The following TTC28 variants were observed in gnomAD, a reference collection of about 807,000 sequenced individuals.
TTC28 encodes the protein tetratricopeptide repeat domain 28, also known as tetratricopeptide repeat protein 28.
A neutral mutation model predicts 198.0 loss-of-function variants in TTC28; 61 were observed. The observed-to-expected ratio is 0.31, with a 90% CI of 0.25 to 0.38. The LOEUF (loss-of-function observed/expected upper bound fraction) is 0.38. Among genes scored for constraint, TTC28 ranks in the 10% least tolerant of loss-of-function variants. TTC28 has a pLI of 1.00. For missense variants in TTC28, 2,678 were observed against 3,164.0 expected (o/e 0.85, Z 3.69); for synonymous variants, 1,171 against 1,297.8 (o/e 0.90, Z 2.10).
chr22:28,364,784 T>C (rs2046218608), intron 2 of TTC28, among the ~76,000 whole-genome samples: 1 of 152,228 alleles, frequency 6.6e-6, no homozygotes, highest in South Asian at 2.1e-4. Flanking sequence ...AATCTCATGA[T>C]AAAGCTTGAA....
chr22:28,188,490 AAACTTATATAAAAAGC>A (rs1298305881), intron 5 of TTC28, among the ~76,000 whole-genome samples: 4 of 152,198 alleles, frequency 2.6e-5, no homozygotes, highest in South Asian at 2.1e-4. Flanking sequence ...GATAGAATAT[AAACTTATATAAAAAGC>A]AACTTATATA....
At chr22:28,102,099 G>C (rs1156374450) in intron 8 of TTC28, among the ~76,000 whole-genome samples, 1 of 152,138 alleles carries the variant, frequency 6.6e-6, no homozygotes, top group Non-Finnish European at 1.5e-5. Context: ...TCTTTGGCTG[G>C]CAAAGCTCTT....
At chr22:28,200,338 CAT>C (rs1007414681) in intron 5 of TTC28, among the ~76,000 whole-genome samples, 1 of 152,114 alleles carries the variant, frequency 6.6e-6, no homozygotes. Context: ...AATAAAATGA[CAT>C]GTCATTTTTG....
intron 2 of TTC28, among the ~76,000 whole-genome samples, chr22:28,478,973 A>G (rs899880102): frequency 3.9e-5 from 6 of 152,170 alleles, no homozygotes; most frequent in African/African-American, 1.4e-4. Flanking sequence ...TCACCACCAC[A>G]ATAATGCCAA....
Position 28,163,168 on chromosome 22 carries a change from T to C in TTC28, c.1365A>G (p.Gln455=), listed in dbSNP as rs1921439097. 1 of 1,551,566 alleles carries C rather than the reference T, an allele frequency of 6.4e-7. No individual in the cohort carries two copies. Among genetic ancestry groups the C allele is most frequent in the African/African-American group, 1.4e-5 (1 of 73,000 alleles). The change falls in exon 6 of 23, where the codon CAA becomes CAG. Residue 455 remains glutamine (Q), a synonymous_variant. Coordinates refer to ENST00000397906, the MANE Select transcript of TTC28 (RefSeq NM_001145418.2). ...CAATGCCCAGCTGCTGCTCATGGTA[T>C]TGTTTAGCTCTCTCCAAATCCTGCA... ...RCMQDLERAK[Q]YHEQQLGIAE...
At chr22:28,453,731 G>C (rs2047818103) in intron 2 of TTC28, among the ~76,000 whole-genome samples, 2 of 152,126 alleles carry the variant, frequency 1.3e-5, no homozygotes, top group African/African-American at 4.8e-5. Context: ...TTTAGCAACA[G>C]ATGCCATCAA....
intron 10 of TTC28, among the ~76,000 whole-genome samples, chr22:28,098,250 G>A (rs1222979042): frequency 6.6e-6 from 1 of 152,216 alleles, no homozygotes; most frequent in African/African-American, 2.4e-5. Context: ...CTTGAAAGAT[G>A]TGTGGATGAG....
chr22:28,207,242 C>A lies in TTC28; in HGVS notation c.934-43643G>T, dbSNP rs367568783. On this transcript the variant is annotated intron_variant, in intron 5 of 22. Coordinates refer to ENST00000397906, the MANE Select transcript of TTC28 (RefSeq NM_001145418.2). ...GCAGATGGAAAAAAAAAAAAAAGCA[C>A]AAAAAAAAACAGGCCTTCAATAAAT... Among the ~76,000 whole-genome samples the A allele has an allele frequency of 5.2e-4, 73 of 141,170 alleles. 1 individual carries two copies. Among genetic ancestry groups the A allele is most frequent in the Admixed American group, 2.9e-3 (42 of 14,240 alleles). The allele number at this position is 141,170 out of a possible 152,430, so 92.6% of individuals were successfully genotyped here.
At chr22:28,371,281 G>T (rs1359508334) in intron 2 of TTC28, among the ~76,000 whole-genome samples, 1 of 151,390 alleles carries the variant, frequency 6.6e-6, no homozygotes, top group Non-Finnish European at 1.5e-5. Context: ...ACTTTGGGAG[G>T]CTGAGGCAGG....
Position 28,304,364 on chromosome 22 carries a change from A to G in TTC28, c.529+2132T>C, listed in dbSNP as rs193045695. Among the ~76,000 whole-genome samples the G allele has an allele frequency of 1.5e-3, 226 of 152,298 alleles. 4 individuals are homozygous for G. Among genetic ancestry groups the G allele is most frequent in the South Asian group, 9.6e-3 (46 of 4,812 alleles). Reference sequence around the variant, plus strand: ...TATGACAAAAAGAGAGGTCATTAAGATGTGGGATGATGCACAGAACAATAC... The same window carrying G: ...TATGACAAAAAGAGAGGTCATTAAGGTGTGGGATGATGCACAGAACAATAC... On this transcript the variant is annotated intron_variant, in intron 3 of 22. Transcript: ENST00000397906.
At chr22:28,142,084 G>A (rs1001662193) in intron 6 of TTC28, among the ~76,000 whole-genome samples, 1 of 152,224 alleles carries the variant, frequency 6.6e-6, no homozygotes, top group Non-Finnish European at 1.5e-5. Flanking sequence ...CTGGGTTTAT[G>A]TGAGACTTAA....
intron 2 of TTC28, among the ~76,000 whole-genome samples, chr22:28,508,228 G>GAAA (rs972432181): frequency 7.1e-6 from 1 of 141,718 alleles, no homozygotes; most frequent in African/African-American, 2.6e-5. Context: ...ATGCAAAACA[G>GAAA]AAAAAAAAAA....
intron 5 of TTC28, among the ~76,000 whole-genome samples, chr22:28,237,475 T>C (rs1271023571): frequency 6.6e-6 from 1 of 152,010 alleles, no homozygotes; most frequent in East Asian, 1.9e-4. Context: ...CTTTAAATAA[T>C]ATTAACTGCT....
intron 13 of TTC28, among the ~76,000 whole-genome samples, chr22:28,026,036 G>C (rs1938818586): frequency 6.6e-6 from 1 of 152,200 alleles, no homozygotes; most frequent in Non-Finnish European, 1.5e-5. Flanking sequence ...CGCACCTTTA[G>C]GAAGTCCTCC....
intron 9 of TTC28, 148 bp downstream of exon 9, chr22:28,101,022 TG>T: frequency 1.9e-6 from 1 of 536,636 alleles, no homozygotes; most frequent in Non-Finnish European, 3.2e-6. Context: ...CAAATACTTC[TG>T]GGCTAGTACA....
chr22:28,615,598 T>C (rs752353470), intron 2 of TTC28, among the ~76,000 whole-genome samples: 11 of 152,042 alleles, frequency 7.2e-5, no homozygotes, highest in Non-Finnish European at 1.5e-4. Flanking sequence ...ATATACACCA[T>C]GGAATACTAC....
At chr22:28,315,794 T>C (rs181590294) in intron 2 of TTC28, among the ~76,000 whole-genome samples, 36 of 152,312 alleles carry the variant, frequency 2.4e-4, no homozygotes, top group African/African-American at 8.2e-4. Context: ...CACCACAATG[T>C]AGCAGTCTCA....
rs144432276 is a variant in TTC28, at chr22:28,249,299, A to G, written c.933+46899T>C. ...GAGGATTAAATAAGTGAATGCACAG[A>G]AAGTCTTTATTTCAGTATCTGGCAC... On this transcript the variant is annotated intron_variant, in intron 5 of 22. Transcript: ENST00000397906. Among the ~76,000 whole-genome samples the G allele has an allele frequency of 2.6e-5, 4 of 152,284 alleles. No homozygotes were observed. In the East Asian group the frequency reaches 5.8e-4, roughly 22 times the overall value.
intron 2 of TTC28, among the ~76,000 whole-genome samples, chr22:28,408,956 A>C (rs1404855911): frequency 6.6e-6 from 1 of 152,200 alleles, no homozygotes; most frequent in Admixed American, 6.5e-5. Context: ...TTCATTATTC[A>C]CTAAACTTAA....
Sources: gnomAD v4.1 joint callset for allele counts (sites outside exome capture counted in the v4.1 genomes callset) on GRCh38, gnomAD v4.1.1 for gene constraint, MANE v1.5 for transcripts, NCBI Gene and HGNC (gene_info 2026-07-23, HGNC 2026-07-21) for gene names.